MINDY3: variants seen among roughly 807,000 people sequenced by gnomAD.
MINDY3 encodes MINDY lysine 48 deubiquitinase 3.
In MINDY3, 38 loss-of-function variants were observed where a neutral mutation model predicts 69.2. That is an observed-to-expected ratio of 0.55 (90% confidence interval 0.42 to 0.72). The LOEUF (loss-of-function observed/expected upper bound fraction) is 0.72. Among genes scored for constraint, MINDY3 ranks in the 30% least tolerant of loss-of-function variants. The probability of loss-of-function intolerance (pLI) is 0.00; values close to 1 mark genes in which losing one functional copy is unlikely to be tolerated. For missense variants in MINDY3, 522 were observed against 519.0 expected (o/e 1.01, Z -0.06); for synonymous variants, 192 against 180.1 (o/e 1.07, Z -0.53).
At chr10:15,780,711 C>T (rs1295451230) in intron 14 of MINDY3, among the ~76,000 whole-genome samples, 1 of 152,206 alleles carries the variant, frequency 6.6e-6, no homozygotes, top group Non-Finnish European at 1.5e-5. Flanking sequence ...TAATGACATC[C>T]ATACTTTGCT....
intron 10 of MINDY3, among the ~76,000 whole-genome samples, chr10:15,806,613 G>T (rs902324047): frequency 7.2e-5 from 11 of 152,104 alleles, no homozygotes; most frequent in African/African-American, 2.4e-4. Flanking sequence ...TCATGCCACG[G>T]ATATTCCTGT....
intron 4 of MINDY3, 57 bp downstream of exon 4, chr10:15,841,368 AG>A: frequency 7.4e-7 from 1 of 1,342,364 alleles, no homozygotes; most frequent in Non-Finnish European, 1.0e-6. Context: ...AATATTCAAT[AG>A]ATTCATTAAA....
rs75091190 is a variant in MINDY3, at chr10:15,822,626, G to C, written c.731-900C>G. Reference sequence around the variant, plus strand: ...AGTAAGTTCTGGACTCGTGTGAAGAGGTAACATGAGTTTGGTTTTAGCTAA... The same window carrying C: ...AGTAAGTTCTGGACTCGTGTGAAGACGTAACATGAGTTTGGTTTTAGCTAA... On this transcript the variant is annotated intron_variant, in intron 8 of 14. Transcript: ENST00000277632. Among the ~76,000 whole-genome samples, 703 of 152,266 alleles carry C rather than the reference G, an allele frequency of 4.6e-3. 2 individuals are homozygous for C. The highest frequency in any genetic ancestry group is 6.9e-3 in the Non-Finnish European group (467 of 68,016).
At chr10:15,836,423 CTAAA>C (rs1231127128) in intron 6 of MINDY3, among the ~76,000 whole-genome samples, 5 of 151,920 alleles carry the variant, frequency 3.3e-5, no homozygotes, top group Admixed American at 6.6e-5. Flanking sequence ...TTTTACAATG[CTAAA>C]TAGATACCAT....
At chr10:15,790,200 G>A (rs923286263) in intron 11 of MINDY3, among the ~76,000 whole-genome samples, 2 of 152,094 alleles carry the variant, frequency 1.3e-5, no homozygotes, top group African/African-American at 4.8e-5. Flanking sequence ...CTTTCAGGGT[G>A]TGGAATTGTA....
At chr10:15,789,211 T>C (rs1018809080) in intron 12 of MINDY3, 36 bp downstream of exon 12, 10 of 1,534,256 alleles carry the variant, frequency 6.5e-6, no homozygotes, top group Non-Finnish European at 8.1e-6. Flanking sequence ...TCGAATCTTT[T>C]TGAGTTGGCT....
intron 11 of MINDY3, among the ~76,000 whole-genome samples, chr10:15,795,336 CAG>C (rs1343500476): frequency 6.6e-6 from 1 of 151,926 alleles, no homozygotes; most frequent in Non-Finnish European, 1.5e-5. Context: ...CATGGATTTT[CAG>C]AGAGGAAAAG....
chr10:15,832,222 A>G (rs1329928912), intron 8 of MINDY3, among the ~76,000 whole-genome samples: 3 of 152,176 alleles, frequency 2.0e-5, no homozygotes, highest in Non-Finnish European at 4.4e-5. Flanking sequence ...AGGCCAGAGC[A>G]CACAGTAAGA....
chr10:15,854,792 G>A (rs2132148638), intron 1 of MINDY3, among the ~76,000 whole-genome samples: 1 of 152,096 alleles, frequency 6.6e-6, no homozygotes, highest in East Asian at 1.9e-4. Context: ...ATCAAAAATA[G>A]GACAAATGGA....
chr10:15,806,363 C>G (rs576038360), intron 10 of MINDY3, among the ~76,000 whole-genome samples: 2 of 152,246 alleles, frequency 1.3e-5, no homozygotes, highest in East Asian at 3.9e-4. Context: ...AAGAAGATTA[C>G]TGAAACTGTG....
intron 11 of MINDY3, among the ~76,000 whole-genome samples, chr10:15,791,573 T>G (rs1434699374): frequency 1.3e-5 from 2 of 151,814 alleles, no homozygotes; most frequent in African/African-American, 2.4e-5. Context: ...GCAGCCAGGA[T>G]GGGAAACGGC....
intron 6 of MINDY3, among the ~76,000 whole-genome samples, chr10:15,836,103 A>T (rs939217488): frequency 6.6e-6 from 1 of 152,064 alleles, no homozygotes; most frequent in African/African-American, 2.4e-5. Context: ...TTTCTTACAT[A>T]TGTGCCCAGT....
intron 8 of MINDY3, among the ~76,000 whole-genome samples, chr10:15,822,849 A>G (rs1588591854): frequency 1.3e-5 from 2 of 152,178 alleles, no homozygotes; most frequent in African/African-American, 4.8e-5. Context: ...TGATAATAAT[A>G]AAGTCTTTTC....
At chr10:15,795,509 C>T (rs1447624442) in intron 11 of MINDY3, among the ~76,000 whole-genome samples, 4 of 152,054 alleles carry the variant, frequency 2.6e-5, no homozygotes, top group Non-Finnish European at 5.9e-5. Context: ...TGAAGTTATA[C>T]TTGAAAGGTC....
intron 5 of MINDY3, 59 bp downstream of exon 5, chr10:15,838,169 G>T: frequency 6.5e-7 from 1 of 1,547,922 alleles, no homozygotes; most frequent in Non-Finnish European, 8.7e-7. Context: ...AGTATGAACA[G>T]ACTTAAAGTG....
chr10:15,821,774 G>T (rs779129875), intron 8 of MINDY3, 48 bp from the exon 9 acceptor site: 2 of 1,486,152 alleles, frequency 1.3e-6, no homozygotes, highest in Non-Finnish European at 1.9e-6. Flanking sequence ...TAGCATTGTA[G>T]TAGTGTGTAT....
At chr10:15,854,166 T>C (rs1029358239) in intron 1 of MINDY3, among the ~76,000 whole-genome samples, 1 of 152,130 alleles carries the variant, frequency 6.6e-6, no homozygotes, top group African/African-American at 2.4e-5. Flanking sequence ...AAAAGTTACA[T>C]GATTTGGTTT....
At chr10:15,798,781 AAAAC>A (rs147975316) in intron 10 of MINDY3, among the ~76,000 whole-genome samples, 8 of 151,130 alleles carry the variant, frequency 5.3e-5, no homozygotes, top group East Asian at 2.0e-4. Context: ...CTCTGTCTCA[AAAAC>A]AAACAAACAA....
intron 7 of MINDY3, among the ~76,000 whole-genome samples, chr10:15,834,096 G>A (rs1226454857): frequency 1.3e-5 from 2 of 151,852 alleles, no homozygotes; most frequent in African/African-American, 4.8e-5. Flanking sequence ...TAAAAAGAAG[G>A]ACTCACGTAT....
Sources: gnomAD v4.1 joint callset for allele counts (sites outside exome capture counted in the v4.1 genomes callset) on GRCh38, gnomAD v4.1.1 for gene constraint, MANE v1.5 for transcripts, NCBI Gene and HGNC (gene_info 2026-07-23, HGNC 2026-07-21) for gene names.